The following SH3KBP1 variants were observed in gnomAD, a reference collection of about 807,000 sequenced individuals.
The protein encoded by SH3KBP1 is SH3 domain-containing kinase-binding protein 1.
SH3KBP1 carries 8 observed loss-of-function variants against 50.1 expected under a neutral mutation model. That is an observed-to-expected ratio of 0.16 (90% CI 0.09 to 0.29). The LOEUF is 0.29. Among genes scored for constraint, SH3KBP1 ranks in the 10% least tolerant of loss-of-function variants. The pLI, the probability that SH3KBP1 is intolerant of heterozygous loss-of-function variation, is 1.00. For missense variants in SH3KBP1, 377 were observed against 535.2 expected, an observed-to-expected ratio of 0.70 and a Z score of 2.92; for synonymous variants, 227 against 218.6, an observed-to-expected ratio of 1.04 and a Z score of -0.34.
intron 14 of SH3KBP1, among the ~76,000 whole-genome samples, chrX:19,548,212 G>A (rs1457493861): frequency 8.9e-6 from 1 of 112,103 alleles, no homozygotes; most frequent in Non-Finnish European, 1.9e-5. Flanking sequence ...AAATACATAC[G>A]AACTCTCAGG....
intron 2 of SH3KBP1, among the ~76,000 whole-genome samples, chrX:19,809,641 G>A (rs1699507342): frequency 8.9e-6 from 1 of 112,489 alleles, no homozygotes; most frequent in South Asian, 3.6e-4. Flanking sequence ...ATAAATCAAA[G>A]TATATGAAAA....
chrX:19,777,936 C>T (rs1443127861), intron 2 of SH3KBP1, among the ~76,000 whole-genome samples: 1 of 110,894 alleles, frequency 9.0e-6, no homozygotes, highest in Non-Finnish European at 1.9e-5. Flanking sequence ...AGTCACCACC[C>T]AGAGAAACAA....
intron 12 of SH3KBP1, among the ~76,000 whole-genome samples, chrX:19,569,747 C>T (rs1382324661): frequency 9.0e-6 from 1 of 111,453 alleles, no homozygotes; most frequent in Non-Finnish European, 1.9e-5. Flanking sequence ...GGATGGGTGC[C>T]CCATGCTCAT....
chrX:19,642,477 T>G (rs2061882050), intron 7 of SH3KBP1, among the ~76,000 whole-genome samples: 1 of 112,374 alleles, frequency 8.9e-6, no homozygotes, highest in Non-Finnish European at 1.9e-5. Flanking sequence ...GCAGTCATAA[T>G]TTATGCAGAA....
chrX:19,633,602 G>C (rs1569362238), intron 7 of SH3KBP1, among the ~76,000 whole-genome samples: 3 of 112,162 alleles, frequency 2.7e-5, no homozygotes. Flanking sequence ...CACAAACACA[G>C]TATCACTGAA....
intron 12 of SH3KBP1, among the ~76,000 whole-genome samples, chrX:19,572,347 CAT>C (rs60386907): frequency 3.2e-4 from 33 of 103,157 alleles, no homozygotes; most frequent in East Asian, 1.7e-3. Flanking sequence ...ATATATAGTA[CAT>C]ATATATGTAT....
chrX:19,579,037 C>A (rs1201157637), intron 12 of SH3KBP1, among the ~76,000 whole-genome samples: 1 of 111,650 alleles, frequency 9.0e-6, no homozygotes, highest in Non-Finnish European at 1.9e-5. Context: ...GTGGGACAAG[C>A]AGAGGGAGGC....
chrX:19,632,604 T>C (rs940748244), intron 7 of SH3KBP1, among the ~76,000 whole-genome samples: 5 of 112,392 alleles, frequency 4.4e-5, no homozygotes, highest in South Asian at 3.7e-4. Context: ...TCCCTATGCA[T>C]AGATGGCTGT....
intron 1 of SH3KBP1, among the ~76,000 whole-genome samples, chrX:19,876,811 T>C (rs1357322885): frequency 9.0e-6 from 1 of 111,368 alleles, no homozygotes; most frequent in Non-Finnish European, 1.9e-5. Flanking sequence ...TGGGGATATA[T>C]AACCTATTCC....
intron 3 of SH3KBP1, among the ~76,000 whole-genome samples, chrX:19,738,767 T>C (rs2064677869): frequency 9.3e-6 from 1 of 107,053 alleles, no homozygotes; most frequent in Admixed American, 1.0e-4. Flanking sequence ...TCCCAGCACT[T>C]TGGGAGGCCG....
chrX:19,548,403 T>C (rs368930656), intron 14 of SH3KBP1, among the ~76,000 whole-genome samples: 1 of 110,525 alleles, frequency 9.0e-6, no homozygotes, highest in African/African-American at 3.3e-5. Flanking sequence ...AATATAGAGA[T>C]ACTAAGAGCC....
chrX:19,811,314 C>T (rs1307361493), intron 2 of SH3KBP1, among the ~76,000 whole-genome samples: 2 of 112,178 alleles, frequency 1.8e-5, no homozygotes, highest in African/African-American at 3.3e-5. Flanking sequence ...CCCGATATTA[C>T]AATATGACTA....
At chrX:19,571,999 G>A (rs1408081064) in intron 12 of SH3KBP1, among the ~76,000 whole-genome samples, 1 of 110,419 alleles carries the variant, frequency 9.1e-6, no homozygotes, top group Non-Finnish European at 1.9e-5. Flanking sequence ...GCTTATTTGT[G>A]TATTATGGTA....
At chrX:19,672,625 T>A (rs1216521643) in intron 6 of SH3KBP1, among the ~76,000 whole-genome samples, 1 of 111,636 alleles carries the variant, frequency 9.0e-6, no homozygotes, top group African/African-American at 3.3e-5. Context: ...TCATCAAAAA[T>A]AAAGAAAGTC....
chrX:19,767,697 C>T (rs1181866131), intron 2 of SH3KBP1, among the ~76,000 whole-genome samples: 1 of 111,106 alleles, frequency 9.0e-6, no homozygotes, highest in East Asian at 2.8e-4. Context: ...AATCTCCCTT[C>T]CCCTGGAACG....
At chrX:19,820,461 C>G (rs1384397186) in intron 2 of SH3KBP1, among the ~76,000 whole-genome samples, 1 of 111,666 alleles carries the variant, frequency 9.0e-6, no homozygotes, top group African/African-American at 3.3e-5. Flanking sequence ...TAATGTCCTT[C>G]TTTGTCCCTG....
chrX:19,774,240 T>C (rs1161710651), intron 2 of SH3KBP1, among the ~76,000 whole-genome samples: 1 of 111,429 alleles, frequency 9.0e-6, no homozygotes, highest in Non-Finnish European at 1.9e-5. Flanking sequence ...GAAATAAAAG[T>C]ACTTGATTTC....
intron 15 of SH3KBP1, among the ~76,000 whole-genome samples, 167 bp from the exon 16 acceptor site, chrX:19,542,360 C>G (rs1272336702): frequency 8.9e-6 from 1 of 112,093 alleles, no homozygotes; most frequent in Non-Finnish European, 1.9e-5. Flanking sequence ...TTGGTACAGG[C>G]ATTTCCCCCT....
chrX:19,773,671 A>C (rs1266589831), intron 2 of SH3KBP1, among the ~76,000 whole-genome samples: 1 of 108,140 alleles, frequency 9.2e-6, no homozygotes, highest in African/African-American at 3.4e-5. Context: ...CCTGGCTAAC[A>C]CAGTGAAACC....
Sources: gnomAD v4.1 joint callset for allele counts (sites outside exome capture counted in the v4.1 genomes callset) on GRCh38, gnomAD v4.1.1 for gene constraint, MANE v1.5 for transcripts, NCBI Gene and HGNC (gene_info 2026-07-23, HGNC 2026-07-21) for gene names.